CTDSPL: variants seen among roughly 807,000 people sequenced by gnomAD.
The protein encoded by CTDSPL is CTD small phosphatase-like protein.
CTDSPL carries 8 observed loss-of-function variants against 30.5 expected under a neutral mutation model. The ratio of observed to expected loss-of-function variants is 0.26; its 90% confidence interval spans 0.15 to 0.47. CTDSPL has a LOEUF of 0.47. CTDSPL is among the 20% of genes least tolerant of loss of function. The pLI, the probability that CTDSPL is intolerant of heterozygous loss-of-function variation, is 0.99. For missense variants in CTDSPL, 248 were observed against 366.1 expected (o/e 0.68, Z 2.63); for synonymous variants, 110 against 137.9 (o/e 0.80, Z 1.42).
chr3:37,897,629 G>A (rs779874257), intron 1 of CTDSPL, among the ~76,000 whole-genome samples: 8 of 152,028 alleles, frequency 5.3e-5, no homozygotes, highest in Non-Finnish European at 7.4e-5. Context: ...TTGGGTGAGC[G>A]GTGAAAAGTT....
In CTDSPL at chr3:37,948,808, C is replaced by CTTTTTTTTT. The variant is rs71635858; in HGVS notation, c.234+1612_234+1620dup. Among the ~76,000 whole-genome samples the CTTTTTTTTT allele has an allele frequency of 4.7e-4, 51 of 108,140 alleles. 1 individual carries two copies. The highest frequency in any genetic ancestry group is 9.4e-4 in the African/African-American group (23 of 24,448). 70.9% of individuals were successfully genotyped at this position (108,140 alleles called of 152,430 possible). A position where few individuals can be genotyped will look rare whatever the true frequency, so the allele number is the denominator to read the frequency against. ...TAATGAGAGACCATTTTCCAGCTTT[C>CTTTTTTTTT]TTTTTTTTTTTTTTTTTTTTTTTGA... On this transcript the variant is annotated intron_variant, in intron 2 of 7. Transcript: ENST00000273179.
intron 1 of CTDSPL, among the ~76,000 whole-genome samples, chr3:37,895,824 C>T (rs1559627076): frequency 6.6e-6 from 1 of 152,058 alleles, no homozygotes; most frequent in Non-Finnish European, 1.5e-5. Context: ...TGTCAAGACT[C>T]AGTGAATGTA....
In CTDSPL at chr3:37,975,566, G is replaced by T; in HGVS notation, c.520-143G>T. ...AATCCAGTGCCATCTTATGTACACG[G>T]AGAGGAAAATAACCAGGATCCTAAG... On this transcript the variant is annotated intron_variant, in intron 6 of 7. Coordinates refer to ENST00000273179, the MANE Select transcript of CTDSPL (RefSeq NM_001008392.2). This position sits in a 1 kb window ranked among gnomAD's most constrained non-coding sequence, Gnocchi z 4.9. 1 of 675,548 alleles carries T rather than the reference G, an allele frequency of 1.5e-6. No individual in the cohort carries two copies. Among genetic ancestry groups the T allele is most frequent in the East Asian group, 2.7e-5 (1 of 37,560 alleles). 41.8% of individuals were successfully genotyped at this position (675,548 alleles called of 1,614,324 possible). A position where few individuals can be genotyped will look rare whatever the true frequency, so the allele number is the denominator to read the frequency against.
chr3:37,868,980 G>A (rs528467100), intron 1 of CTDSPL, among the ~76,000 whole-genome samples: 3 of 152,092 alleles, frequency 2.0e-5, no homozygotes, highest in South Asian at 2.1e-4. Flanking sequence ...TTAAACCTGT[G>A]TATCAATTTG....
chr3:37,940,561 A>C (rs1205794151), intron 1 of CTDSPL, among the ~76,000 whole-genome samples: 2 of 150,308 alleles, frequency 1.3e-5, no homozygotes, highest in African/African-American at 4.8e-5. Flanking sequence ...GATGACTACC[A>C]ATTGCTCCAG....
rs11369138 is a variant in CTDSPL, at chr3:37,924,312, CT to C, written c.80-22736del. Among the ~76,000 whole-genome samples, 7 of 151,708 alleles carry C rather than the reference CT, an allele frequency of 4.6e-5. No individual in the cohort carries two copies. The South Asian group carries it at 6.2e-4, about 14-fold the overall frequency. ...TGGTTACTGTCCCACAATTGGAAGA[CT>C]TTTTTTTTATCCACGTGTACAAGGA... On this transcript the variant is annotated intron_variant, in intron 1 of 7. Transcript: ENST00000273179.
At chr3:37,910,252 G>A (rs1698566890) in intron 1 of CTDSPL, among the ~76,000 whole-genome samples, 1 of 152,142 alleles carries the variant, frequency 6.6e-6, no homozygotes, top group Admixed American at 6.5e-5. Context: ...AGCCAAGGCG[G>A]GTGGGTCACC....
intron 1 of CTDSPL, among the ~76,000 whole-genome samples, chr3:37,923,493 C>CT (rs1046304302): frequency 2.0e-5 from 3 of 152,116 alleles, no homozygotes; most frequent in African/African-American, 7.2e-5. Flanking sequence ...CGTGTGGTGT[C>CT]TATTTTGAAA....
chr3:37,883,550 C>T (rs973812143), intron 1 of CTDSPL, among the ~76,000 whole-genome samples: 3 of 152,294 alleles, frequency 2.0e-5, no homozygotes, highest in Admixed American at 1.3e-4. Flanking sequence ...AAGAGGTTGG[C>T]CTGTGATTTT....
intron 2 of CTDSPL, among the ~76,000 whole-genome samples, chr3:37,952,927 T>C (rs769715016): frequency 1.3e-5 from 2 of 152,236 alleles, no homozygotes. Context: ...GCTGAGCCTT[T>C]TGTTCTGTGG....
intron 1 of CTDSPL, among the ~76,000 whole-genome samples, chr3:37,884,200 G>A (rs1698239373): frequency 6.6e-6 from 1 of 152,012 alleles, no homozygotes; most frequent in African/African-American, 2.4e-5. Flanking sequence ...TAGGGGACAA[G>A]GAAGTAATTA....
At chr3:37,898,610 T>C (rs145689627) in intron 1 of CTDSPL, among the ~76,000 whole-genome samples, 1 of 152,306 alleles carries the variant, frequency 6.6e-6, no homozygotes, top group Non-Finnish European at 1.5e-5. Flanking sequence ...ATGTTTTTTG[T>C]TGCTTGCTTG....
At chr3:37,970,588 C>T (rs1699355805) in intron 5 of CTDSPL, among the ~76,000 whole-genome samples, 1 of 152,204 alleles carries the variant, frequency 6.6e-6, no homozygotes, top group African/African-American at 2.4e-5. Context: ...CCTTCTCTCC[C>T]ATCTCCCTTG....
chr3:37,980,622 A>G, intron 7 of CTDSPL, 120 bp from the exon 8 acceptor site: 2 of 1,294,180 alleles, frequency 1.5e-6, no homozygotes, highest in South Asian at 3.0e-5. Context: ...GATGATAACG[A>G]TGATGACACC....
intron 1 of CTDSPL, among the ~76,000 whole-genome samples, chr3:37,945,037 G>A (rs930574526): frequency 1.3e-5 from 2 of 150,314 alleles, no homozygotes; most frequent in Non-Finnish European, 3.0e-5. Flanking sequence ...ATGAAAATAG[G>A]ACCTGGGAAG....
At chr3:37,945,087 C>A (rs1045922642) in intron 1 of CTDSPL, among the ~76,000 whole-genome samples, 4 of 150,276 alleles carry the variant, frequency 2.7e-5, no homozygotes, top group African/African-American at 9.7e-5. Flanking sequence ...GAGACATGAA[C>A]AAATAGCTTG....
At position 37,983,459 on chromosome 3, in the gene CTDSPL, G is replaced by C. The variant is rs530321796; in HGVS notation, c.*2592G>C. On this transcript the variant is annotated 3_prime_UTR_variant, in exon 8 of 8. Transcript: ENST00000273179. ...TACCATGTATTAAATTGTGGGCTTT[G>C]AAACCTAATGAAACCTGTTAGCCAC... 7 of 152,676 alleles carry C rather than the reference G, an allele frequency of 4.6e-5. No homozygotes were observed. The East Asian group carries it at 1.3e-3, about 29-fold the overall frequency. The allele number at this position is 152,676 out of a possible 1,614,324, so 9.5% of individuals were successfully genotyped here.
At chr3:37,931,695 A>T (rs1270994623) in intron 1 of CTDSPL, among the ~76,000 whole-genome samples, 2 of 151,916 alleles carry the variant, frequency 1.3e-5, no homozygotes, top group East Asian at 3.9e-4. Context: ...TGTGGTTACT[A>T]TAGTGCTTAC....
At chr3:37,952,193 GAAAC>G (rs1248378599) in intron 2 of CTDSPL, among the ~76,000 whole-genome samples, 2 of 150,198 alleles carry the variant, frequency 1.3e-5, no homozygotes, top group African/African-American at 4.9e-5. Flanking sequence ...AAGAAAAAAA[GAAAC>G]AGAAAGAAGG....
Sources: gnomAD v4.1 joint callset for allele counts (sites outside exome capture counted in the v4.1 genomes callset) on GRCh38, gnomAD v4.1.1 for gene constraint, Gnocchi (gnomAD v3.1) non-coding constraint, MANE v1.5 for transcripts, NCBI Gene and HGNC (gene_info 2026-07-23, HGNC 2026-07-21) for gene names.